Variants in DENND1B observed in about 807,000 individuals in gnomAD.
The protein encoded by DENND1B is DENN domain containing 1B.
DENND1B carries 59 observed loss-of-function variants against 90.1 expected under a neutral mutation model. That is an observed-to-expected ratio of 0.65 (90% CI 0.53 to 0.81). The LOEUF (loss-of-function observed/expected upper bound fraction) is 0.81. Ranked by LOEUF, DENND1B falls within the 40% of genes least tolerant of loss-of-function variation. The pLI is 0.00. For missense variants in DENND1B, 862 were observed against 912.6 expected (o/e 0.94, Z 0.71); for synonymous variants, 337 against 324.6 (o/e 1.04, Z -0.41).
intron 2 of DENND1B, among the ~76,000 whole-genome samples, chr1:197,719,971 G>T (rs1030870370): frequency 1.3e-5 from 2 of 152,032 alleles, no homozygotes; most frequent in Non-Finnish European, 2.9e-5. Flanking sequence ...CTGAAGTCTG[G>T]GTCTTCTACT....
At chr1:197,565,571 G>A (rs1207141312) in intron 15 of DENND1B, among the ~76,000 whole-genome samples, 1 of 150,934 alleles carries the variant, frequency 6.6e-6, no homozygotes, top group Non-Finnish European at 1.5e-5. Flanking sequence ...CAAGTGCCAT[G>A]CTGGTGTGCT....
chr1:197,574,869 T>C (rs1238255172), intron 15 of DENND1B, among the ~76,000 whole-genome samples: 3 of 152,326 alleles, frequency 2.0e-5, no homozygotes, highest in South Asian at 2.1e-4. Flanking sequence ...TAAATGGTGC[T>C]GGGAAAACTG....
intron 15 of DENND1B, among the ~76,000 whole-genome samples, chr1:197,572,154 T>C (rs1056413941): frequency 6.6e-5 from 10 of 152,148 alleles, no homozygotes; most frequent in African/African-American, 2.4e-4. Flanking sequence ...GGGATTTCCC[T>C]TTCCTAGCCA....
chr1:197,557,011 C>CCCAGT (rs1227088525), intron 15 of DENND1B, among the ~76,000 whole-genome samples: 1 of 146,748 alleles, frequency 6.8e-6, no homozygotes, highest in Admixed American at 6.8e-5. Context: ...TATACTTCTA[C>CCCAGT]CCAGTTTTAA....
chr1:197,613,055 A>T (rs1327659181), intron 11 of DENND1B, among the ~76,000 whole-genome samples: 3 of 150,826 alleles, frequency 2.0e-5, no homozygotes, highest in Non-Finnish European at 4.5e-5. Context: ...GTGCTCTATT[A>T]TGACACTCTT....
chr1:197,558,786 A>G (rs1270438291), intron 15 of DENND1B, among the ~76,000 whole-genome samples: 4 of 151,902 alleles, frequency 2.6e-5, no homozygotes, highest in African/African-American at 4.8e-5. Context: ...TTATCTTCCA[A>G]TAGCCACCTA....
chr1:197,673,531 G>C (rs912894365), intron 4 of DENND1B, among the ~76,000 whole-genome samples: 3 of 152,026 alleles, frequency 2.0e-5, no homozygotes, highest in Non-Finnish European at 2.9e-5. Flanking sequence ...ACGATCTGTT[G>C]TTATGCTCAC....
At chr1:197,755,905 G>A (rs180809600) in intron 2 of DENND1B, among the ~76,000 whole-genome samples, 122 of 152,204 alleles carry the variant, frequency 8.0e-4, no homozygotes, top group Middle Eastern at 3.4e-3. Context: ...ATCTCCCAGC[G>A]GGTCCCTCCC....
chr1:197,635,327 C>A (rs1405552446), intron 10 of DENND1B, among the ~76,000 whole-genome samples: 7 of 151,858 alleles, frequency 4.6e-5, no homozygotes, highest in African/African-American at 1.7e-4. Flanking sequence ...ACACACAACC[C>A]ATGGTTTTAT....
At chr1:197,632,019 C>A (rs900520807) in intron 10 of DENND1B, among the ~76,000 whole-genome samples, 4 of 152,064 alleles carry the variant, frequency 2.6e-5, no homozygotes, top group Admixed American at 2.0e-4. Flanking sequence ...AAGACTCTTG[C>A]CTGGAAATGT....
chr1:197,735,044 C>T (rs190306818), intron 2 of DENND1B: 3 of 984,498 alleles, frequency 3.0e-6, no homozygotes, highest in Admixed American at 6.1e-5. Flanking sequence ...GTAGAAAAAG[C>T]GGACAAAATT....
chr1:197,563,975 G>A (rs1672394450), intron 15 of DENND1B, among the ~76,000 whole-genome samples: 1 of 151,966 alleles, frequency 6.6e-6, no homozygotes, highest in South Asian at 2.1e-4. Context: ...AGAATTCTAA[G>A]TGGAACCTGA....
chr1:197,603,468 C>T (rs1036179403), intron 13 of DENND1B, among the ~76,000 whole-genome samples: 9 of 151,008 alleles, frequency 6.0e-5, no homozygotes, highest in African/African-American at 2.2e-4. Flanking sequence ...ATTGACCTAT[C>T]AATATTATTA....
rs1305870554 is a variant in DENND1B at position 197,623,151 on chromosome 1, T to C, written c.673-5392A>G. Among the ~76,000 whole-genome samples the C allele has an allele frequency of 1.3e-4, 19 of 151,372 alleles. No individual in the cohort carries two copies. The Admixed American group carries it at 1.3e-3, about 10-fold the overall frequency. ...GTTACTGCAGGGTTAAATGAGTTACTGAGGGGCAGATTTATATTCCCTAAG... is the reference window on the plus strand; with the variant it reads ...GTTACTGCAGGGTTAAATGAGTTACCGAGGGGCAGATTTATATTCCCTAAG... On this transcript the variant is annotated intron_variant, in intron 10 of 22. Coordinates refer to ENST00000620048, the MANE Select transcript of DENND1B (RefSeq NM_001195215.2).
chr1:197,638,154 A>G (rs1159281945), intron 10 of DENND1B, among the ~76,000 whole-genome samples: 2 of 152,230 alleles, frequency 1.3e-5, no homozygotes, highest in Non-Finnish European at 2.9e-5. Context: ...AGAGAAAAGC[A>G]TATGCTTAAA....
At chr1:197,782,105 C>A in the DENND1B span, among the ~76,000 whole-genome samples, 1 of 152,114 alleles carries the variant, frequency 6.6e-6, no homozygotes, top group African/African-American at 2.4e-5. Context: ...CAGAGTGTCA[C>A]CAACAGATGG....
intron 10 of DENND1B, among the ~76,000 whole-genome samples, chr1:197,627,965 C>T (rs1362193373): frequency 1.7e-4 from 26 of 152,102 alleles, no homozygotes; most frequent in Admixed American, 1.5e-3. Context: ...ATCCAACTTA[C>T]AAGGGATGTG....
rs747312626 is a variant in DENND1B at position 197,510,772 on chromosome 1, G to A, written c.2016C>T (p.Leu672=). The A allele has an allele frequency of 6.2e-6, 10 of 1,612,374 alleles. No homozygotes were observed. Among genetic ancestry groups the A allele is most frequent in the Middle Eastern group, 3.3e-4 (2 of 6,066 alleles). The part of the protein sequence containing the change: ...ILKEENSNKH[L]GADNVSDPTS... ...TAGGGTCACTCACATTGTCAGCACC[G>A]AGGTGCTTGTTACTGTTTTCCTCTT... The change falls in exon 23 of 23, where the codon CTC becomes CTT. Residue 672 remains leucine, a synonymous_variant. Transcript: ENST00000620048.
intron 10 of DENND1B, among the ~76,000 whole-genome samples, chr1:197,628,340 G>A (rs1280474274): frequency 6.6e-6 from 1 of 152,024 alleles, no homozygotes; most frequent in Non-Finnish European, 1.5e-5. Context: ...ATAGATCAAC[G>A]GAACAGAACA....
Sources: allele counts gnomAD v4.1 joint callset (sites outside exome capture counted in the v4.1 genomes callset), GRCh38; gene constraint gnomAD v4.1.1; transcripts MANE v1.5; gene names NCBI Gene and HGNC (gene_info 2026-07-23, HGNC 2026-07-21).